The following DNHD1 variants were observed in gnomAD, a reference collection of about 807,000 sequenced individuals.
DNHD1 encodes the protein dynein heavy chain domain 1, also known as dynein heavy chain domain-containing protein 1.
In DNHD1, 383 loss-of-function variants were observed where a neutral mutation model predicts 458.1. That is an observed-to-expected ratio of 0.84 (90% CI 0.77 to 0.91). The LOEUF (loss-of-function observed/expected upper bound fraction) is 0.91. DNHD1 is among the 40% of genes least tolerant of loss of function. The probability of loss-of-function intolerance (pLI) is 0.00; values close to 1 mark genes in which losing one functional copy is unlikely to be tolerated. For synonymous variants in DNHD1, 2,203 were observed against 2,376.9 expected (o/e 0.93, Z 2.13); for missense variants, 5,336 against 5,866.1 (o/e 0.91, Z 2.95).
At chr11:6,507,409 A>G (rs1173152345) in intron 4 of DNHD1, among the ~76,000 whole-genome samples, 1 of 152,232 alleles carries the variant, frequency 6.6e-6, no homozygotes, top group Admixed American at 6.5e-5. Context: ...ATCTAGTTAC[A>G]GTAGGCCAGT....
At chr11:6,561,564 C>T (rs971266277) in intron 28 of DNHD1, among the ~76,000 whole-genome samples, 11 of 152,140 alleles carry the variant, frequency 7.2e-5, no homozygotes, top group Non-Finnish European at 1.6e-4. Flanking sequence ...ATGACAAAAC[C>T]GTGTTATAAC....
At chr11:6,513,321 G>A (rs190432126) in intron 7 of DNHD1, among the ~76,000 whole-genome samples, 4 of 152,218 alleles carry the variant, frequency 2.6e-5, no homozygotes, top group Non-Finnish European at 5.9e-5. Context: ...CCTGGATCAC[G>A]ATAGAGAACA....
rs1852061965 is a variant in DNHD1 at position 6,497,999 on chromosome 11, T to C, written c.-217T>C. On this transcript the variant is annotated 5_prime_UTR_variant, in exon 3 of 43. Transcript: ENST00000254579. ...AGGCTCTCTGCTGGTCTGGCTCTGC[T>C]CTGTAGCTCCATCTATTTCCCTGTC... The C allele has an allele frequency of 1.6e-6, 1 of 633,896 alleles. No homozygotes were observed. Among genetic ancestry groups the C allele is most frequent in the African/African-American group, 1.8e-5 (1 of 54,648 alleles). The allele number at this position is 633,896 out of a possible 1,614,324, so 39.3% of individuals were successfully genotyped here.
rs1251091027 is a variant in DNHD1 at position 6,540,046 on chromosome 11, G to A, written c.3591G>A (p.Glu1197=). The A allele has an allele frequency of 1.9e-6, 3 of 1,551,740 alleles. No homozygotes were observed. The highest frequency in any genetic ancestry group is 2.6e-6 in the Non-Finnish European group (3 of 1,146,990). The change falls in exon 18 of 43, where the codon GAG becomes GAA. Residue 1197 remains glutamate, a synonymous_variant. Coordinates refer to ENST00000254579, the MANE Select transcript of DNHD1 (RefSeq NM_144666.3). ...KRQVLRSPQW[E]VVDKDSGTFI... is the part of the protein sequence containing the mutation. Reference sequence around the variant, plus strand: ...AGGTGCTCCGCAGCCCCCAATGGGAGGTAGTGGACAAAGATAGTGGCACCT... The same window carrying A: ...AGGTGCTCCGCAGCCCCCAATGGGAAGTAGTGGACAAAGATAGTGGCACCT...
In DNHD1 at chr11:6,546,915, C is replaced by A. The variant is rs117921761; in HGVS notation, c.5976C>A (p.Gly1992=). The part of the protein sequence containing the change: ...LSRASGILLL[G]PAGSGKTTCW... ...GGGCCTCAGGCATTCTGCTCCTGGGCCCTGCGGGCAGCGGCAAGACCACTT... is the reference window on the plus strand; with the variant it reads ...GGGCCTCAGGCATTCTGCTCCTGGGACCTGCGGGCAGCGGCAAGACCACTT... Residue 1992 remains glycine, a synonymous_variant, in exon 21 of 43, where the codon GGC becomes GGA. Transcript: ENST00000254579. The A allele has an allele frequency of 2.8e-5, 43 of 1,551,620 alleles. 1 individual carries two copies. The East Asian group carries it at 5.4e-4, about 19-fold the overall frequency.
At position 6,548,029 on chromosome 11, in the gene DNHD1, C is replaced by T; in HGVS notation, c.6894C>T (p.His2298=). 6.4e-7 allele frequency: 1 copy of T among 1,551,720 alleles called. No individual in the cohort carries two copies. Among genetic ancestry groups the T allele is most frequent in the South Asian group, 1.2e-5 (1 of 84,064 alleles). ...CCTTGATCTGGGGCTTTGGAGCCCA[C>T]CTTCCCTCCAGGTACCTACCAGGAT... ...LFALIWGFGA[H]LPSRFWPIFD... is the part of the protein sequence containing the mutation. Residue 2298 remains histidine, a synonymous_variant, in exon 22 of 43, where the codon CAC becomes CAT. Coordinates refer to ENST00000254579, the MANE Select transcript of DNHD1 (RefSeq NM_144666.3). This position sits in a 1 kb window ranked among gnomAD's most constrained non-coding sequence, Gnocchi z 4.4.
In DNHD1 at chr11:6,567,349, G is replaced by A. The variant is rs1242480667; in HGVS notation, c.11840G>A (p.Gly3947Glu). Residue 3947 changes from glycine to glutamate, a missense_variant, in exon 36 of 43, where the codon GGG (glycine) becomes GAG (glutamate). By Grantham distance (98) the Gly-to-Glu change is moderately conservative. Transcript: ENST00000254579. ...LGALALLQAT[G>E]KASELERLAL... The stretch of plus-strand genomic sequence containing the variant: ...GCTTTGGCTCTGCTGCAAGCAACAG[G>A]GAAAGCATCAGAGCTGGAAAGACTG... 6.2e-7 allele frequency: 1 copy of A among 1,614,078 alleles called. No homozygotes were observed. Among genetic ancestry groups the A allele is most frequent in the South Asian group, 1.1e-5 (1 of 91,088 alleles).
Position 6,548,558 on chromosome 11 carries a change from T to C in DNHD1, c.7099-87T>C. 1 of 1,504,548 alleles carries C rather than the reference T, an allele frequency of 6.6e-7. No homozygotes were observed. 93.2% of individuals were successfully genotyped at this position (1,504,548 alleles called of 1,614,324 possible). ...ATGAAATATTTTCCAAGTACAGCTC[T>C]AGGACAAGTCCCTTAGACTTTTATT... is the stretch of plus-strand genomic sequence containing the variant. On this transcript the variant is annotated intron_variant, in intron 23 of 42. Coordinates refer to ENST00000254579, the MANE Select transcript of DNHD1 (RefSeq NM_144666.3). This position sits in a 1 kb window ranked among gnomAD's most constrained non-coding sequence, Gnocchi z 4.4.
Position 6,539,243 on chromosome 11 carries a change from CTA to C in DNHD1, c.3353_3354del (p.Ile1118ArgfsTer27), listed in dbSNP as rs1274133319. The C allele has an allele frequency of 6.4e-7, 1 of 1,551,616 alleles. No homozygotes were observed. Among genetic ancestry groups the C allele is most frequent in the East Asian group, 2.4e-5 (1 of 40,914 alleles). On this transcript the variant is annotated frameshift_variant, in exon 17 of 43. Transcript: ENST00000254579. ...GCCCTTGGGCTGGGCAGTCTCCAAA[CTA>C]TAGAACTCCTAACGCTGGGCCAGCT...
chr11:6,563,454 G>A lies in DNHD1; in HGVS notation c.9742G>A (p.Ala3248Thr), dbSNP rs1017010301. ...ADFEEIRSYR[A>T]PPESVVRVTD... Reference sequence around the variant, plus strand: ...CTTTGAGGAGATACGGAGCTATCGAGCACCACCAGAATCTGTGGTCCGGGT... The same window carrying A: ...CTTTGAGGAGATACGGAGCTATCGAACACCACCAGAATCTGTGGTCCGGGT... Residue 3248 changes from alanine to threonine, a missense_variant, in exon 30 of 43, where the codon GCA becomes ACA. By Grantham distance (58) the Ala-to-Thr change is moderately conservative. Transcript: ENST00000254579. The A allele has an allele frequency of 7.1e-6, 11 of 1,551,600 alleles. 1 individual carries two copies. In the South Asian group the frequency reaches 1.2e-4, roughly 17 times the overall value.
In DNHD1 at chr11:6,563,580, C is replaced by G. The variant is rs1400551992; in HGVS notation, c.9852+16C>G. 4 of 1,550,680 alleles carry G rather than the reference C, an allele frequency of 2.6e-6. No homozygotes were observed. On this transcript the variant is annotated intron_variant, in intron 30 of 42. Transcript: ENST00000254579. The stretch of plus-strand genomic sequence containing the variant: ...TTTTTATCAGGTAGGAAGGGTGGAG[C>G]ACAATGAAGGAGGATAGGGGAGGCA...
At chr11:6,536,235 G>A (rs1004183254) in intron 14 of DNHD1, among the ~76,000 whole-genome samples, 1 of 152,082 alleles carries the variant, frequency 6.6e-6, no homozygotes, top group Non-Finnish European at 1.5e-5. Context: ...GAAACTAAGA[G>A]ACATGACAAA....
At chr11:6,523,035 G>A (rs777957509) in intron 10 of DNHD1, among the ~76,000 whole-genome samples, 9 of 152,152 alleles carry the variant, frequency 5.9e-5, no homozygotes, top group South Asian at 2.1e-4. Context: ...CAGAAAGCAC[G>A]ATCAGCTAAT....
intron 40 of DNHD1, 56 bp downstream of exon 40, chr11:6,570,156 G>T: frequency 1.2e-6 from 2 of 1,613,582 alleles, no homozygotes; most frequent in Non-Finnish European, 1.7e-6. Flanking sequence ...GCCTGGAAGA[G>T]GGTGGGGGTG....
intron 12 of DNHD1, among the ~76,000 whole-genome samples, chr11:6,530,172 G>A (rs1222454849): frequency 6.6e-6 from 1 of 152,134 alleles, no homozygotes. Flanking sequence ...CCTAAAAGGT[G>A]GTCTTTCCCA....
chr11:6,531,944 T>C (rs1852836637), intron 12 of DNHD1, among the ~76,000 whole-genome samples: 1 of 152,214 alleles, frequency 6.6e-6, no homozygotes, highest in Admixed American at 6.5e-5. Context: ...TATAATGAAG[T>C]GGAGCCATGC....
chr11:6,532,631 T>C (rs11040912), intron 12 of DNHD1, among the ~76,000 whole-genome samples: 30,644 of 152,070 alleles, frequency 0.2, 3,698 homozygotes, highest in African/African-American at 0.32. Context: ...AACTCCAGTG[T>C]TCCCTTCTCT....
intron 14 of DNHD1, 90 bp from the exon 15 acceptor site, chr11:6,538,293 T>G: frequency 1.6e-6 from 2 of 1,255,812 alleles, no homozygotes; most frequent in South Asian, 1.3e-5. Flanking sequence ...GACCCTACCT[T>G]CTGTCATTAT....
rs1220744399 is a variant in DNHD1 at position 6,533,695 on chromosome 11, T to C, written c.2520T>C (p.Asn840=). The C allele has an allele frequency of 6.5e-7, 1 of 1,548,566 alleles. No individual in the cohort carries two copies. The highest frequency in any genetic ancestry group is 8.7e-7 in the Non-Finnish European group (1 of 1,144,770). Reference sequence around the variant, plus strand: ...AATTCCTGCAGTTGAATGAAGCCAATGAACAGTACGTCGAGCTGGAGGAGC... The same window carrying C: ...AATTCCTGCAGTTGAATGAAGCCAACGAACAGTACGTCGAGCTGGAGGAGC... ...AQCTQKLNEA[N]EQYVELEERM... The change falls in exon 14 of 43, where the codon AAT becomes AAC. Residue 840 remains asparagine, a synonymous_variant. Transcript: ENST00000254579.
Sources: gnomAD v4.1 joint callset for allele counts (sites outside exome capture counted in the v4.1 genomes callset) on GRCh38, gnomAD v4.1.1 for gene constraint, Gnocchi (gnomAD v3.1) non-coding constraint, MANE v1.5 for transcripts, NCBI Gene and HGNC (gene_info 2026-07-23, HGNC 2026-07-21) for gene names.